CCDC125: variants seen among roughly 807,000 people sequenced by gnomAD.
The protein encoded by CCDC125 is coiled-coil domain-containing protein 125.
In CCDC125, 43 loss-of-function variants were observed where a neutral mutation model predicts 57.4. That is an observed-to-expected ratio of 0.75 (90% CI 0.59 to 0.97). The LOEUF (loss-of-function observed/expected upper bound fraction) is 0.97. Among genes scored for constraint, CCDC125 ranks in the 50% least tolerant of loss-of-function variants. CCDC125 has a pLI of 0.00. For synonymous variants in CCDC125, 187 were observed against 195.2 expected (o/e 0.96, Z 0.35); for missense variants, 563 against 595.7 (o/e 0.95, Z 0.57).
rs186352982 is a variant in CCDC125, at chr5:69,298,563, G to T, written c.816+1449C>A. Among the ~76,000 whole-genome samples the T allele has an allele frequency of 2.7e-4, 41 of 152,154 alleles. 1 individual carries two copies. Among genetic ancestry groups the T allele is most frequent in the South Asian group, 1.7e-3 (8 of 4,820 alleles). On this transcript the variant is annotated intron_variant, in intron 8 of 11. Coordinates refer to ENST00000396496, the MANE Select transcript of CCDC125 (RefSeq NM_176816.5). ...ACTCCTGATAATCTCCCATGCCTAG[G>T]TTGCCAAAAGCAACTAAGACCTGGG... is the stretch of plus-strand genomic sequence containing the variant.
downstream of CCDC125, chr5:69,276,412 A>G (rs1421645304): frequency 1.1e-5 from 8 of 729,556 alleles, no homozygotes; most frequent in Non-Finnish European, 1.6e-5. Flanking sequence ...CTTGACATTA[A>G]TTTTGTTTTG....
At chr5:69,314,419 C>A (rs552067475) in intron 2 of CCDC125, among the ~76,000 whole-genome samples, 84 of 151,050 alleles carry the variant, frequency 5.6e-4, no homozygotes, top group Middle Eastern at 3.4e-3. Flanking sequence ...GAGCGGAGAT[C>A]GTGCCACTGT....
At chr5:69,294,107 T>G in intron 9 of CCDC125, 1 of 978,884 alleles carries the variant, frequency 1.0e-6, no homozygotes, top group Non-Finnish European at 1.2e-6. Flanking sequence ...TGTGCCTTGC[T>G]GCTGTTCAAA....
rs200643951 is a variant in CCDC125, at chr5:69,290,299, TTAC to T, written c.1099+1886_1099+1888del. 2.0e-3 allele frequency among the ~76,000 whole-genome samples: 301 copies of T among 150,466 alleles called. 3 individuals are homozygous for T. Among genetic ancestry groups the T allele is most frequent in the African/African-American group, 7.1e-3 (291 of 40,790 alleles). On this transcript the variant is annotated intron_variant, in intron 10 of 11. Transcript: ENST00000396496. Reference sequence around the variant, plus strand: ...TTTCATTTTATTATTATTATTATTATTACTATTATTATTATTATTTTGAGACAG... The same window carrying T: ...TTTCATTTTATTATTATTATTATTATTATTATTATTATTATTTTGAGACAG...
At position 69,280,426 on chromosome 5, in the gene CCDC125, C is replaced by T. The variant is rs1214738759; in HGVS notation, c.*2303G>A. The stretch of plus-strand genomic sequence containing the variant: ...GCTACTGCACCTGTGCAGAGGACCA[C>T]CCAGGACATGATTACTGCAACACCT... On this transcript the variant is annotated 3_prime_UTR_variant, in exon 12 of 12. Transcript: ENST00000396496. 3 of 152,254 alleles carry T rather than the reference C, an allele frequency of 2.0e-5. No homozygotes were observed. Among genetic ancestry groups the T allele is most frequent in the African/African-American group, 4.8e-5 (2 of 41,552 alleles). The allele number at this position is 152,254 out of a possible 1,614,324, so 9.4% of individuals were successfully genotyped here.
chr5:69,318,684 C>T (rs1054683318), intron 2 of CCDC125, among the ~76,000 whole-genome samples: 6 of 151,450 alleles, frequency 4.0e-5, no homozygotes, highest in Admixed American at 1.3e-4. Flanking sequence ...ACCCAGGAGG[C>T]GGAGGTTGCA....
chr5:69,315,760 CAAAAA>C (rs749999748), intron 2 of CCDC125, among the ~76,000 whole-genome samples: 3 of 88,146 alleles, frequency 3.4e-5, no homozygotes, highest in Non-Finnish European at 6.5e-5. Context: ...AACTCCGTCT[CAAAAA>C]AAAAAAAAAA....
chr5:69,282,687 C>T lies in CCDC125; in HGVS notation c.*42G>A, dbSNP rs186008572. Reference sequence around the variant, plus strand: ...TACAAAATCATTTTTCAAAGTATCTCGATATAAACAACTCTCAGTTCCAAT... The same window carrying T: ...TACAAAATCATTTTTCAAAGTATCTTGATATAAACAACTCTCAGTTCCAAT... On this transcript the variant is annotated 3_prime_UTR_variant, in exon 12 of 12. Transcript: ENST00000396496. 34 of 1,452,444 alleles carry T rather than the reference C, an allele frequency of 2.3e-5. No homozygotes were observed. In the South Asian group the frequency reaches 3.3e-4, roughly 14 times the overall value. 90.0% of individuals were successfully genotyped at this position (1,452,444 alleles called of 1,614,324 possible). A position where few individuals can be genotyped will look rare whatever the true frequency, so the allele number is the denominator to read the frequency against.
At position 69,281,704 on chromosome 5, in the gene CCDC125, T is replaced by C. The variant is rs1015338630; in HGVS notation, c.*1025A>G. 6.6e-6 allele frequency: 1 copy of C among 152,136 alleles called. No individual in the cohort carries two copies. 9.4% of individuals were successfully genotyped at this position (152,136 alleles called of 1,614,324 possible). A position where few individuals can be genotyped will look rare whatever the true frequency, so the allele number is the denominator to read the frequency against. ...AACAAGGCAAATAAAACAAGATAAA[T>C]GAATTCCAGAAATTAACATTCAGTC... On this transcript the variant is annotated 3_prime_UTR_variant, in exon 12 of 12. Coordinates refer to ENST00000396496, the MANE Select transcript of CCDC125 (RefSeq NM_176816.5).
chr5:69,274,996 G>A, the CCDC125 span, among the ~76,000 whole-genome samples: 1 of 151,392 alleles, frequency 6.6e-6, no homozygotes, highest in Admixed American at 6.6e-5. Context: ...CCCGGGAGGT[G>A]GAGGTTGCAG....
chr5:69,302,714 A>C (rs967211648), intron 7 of CCDC125, among the ~76,000 whole-genome samples: 2 of 151,054 alleles, frequency 1.3e-5, no homozygotes, highest in Admixed American at 6.6e-5. Context: ...ATAAAGTGAG[A>C]CTCTGTCTCA....
intron 8 of CCDC125, among the ~76,000 whole-genome samples, chr5:69,295,356 T>C (rs142787054): frequency 1.3e-5 from 2 of 152,100 alleles, no homozygotes; most frequent in East Asian, 3.9e-4. Context: ...AATTGTAATA[T>C]ATAATGAGAA....
At position 69,282,998 on chromosome 5, in the gene CCDC125, TTC is replaced by T; in HGVS notation, c.1265_1266del (p.Arg422LysfsTer3). On this transcript the variant is annotated frameshift_variant, in exon 12 of 12. Coordinates refer to ENST00000396496, the MANE Select transcript of CCDC125 (RefSeq NM_176816.5). LOFTEE classifies it low-confidence loss of function (END_TRUNC). ...NDKEEALAHQ[R>X]KVSYMLARAL... ...GCCCGAGCAAGCATGTAGCTAACTT[TTC>T]TTTGATGAGCCAAAGCTTCTTCTTT... 3.7e-6 allele frequency: 6 copies of T among 1,605,392 alleles called. No individual in the cohort carries two copies. The highest frequency in any genetic ancestry group is 5.1e-6 in the Non-Finnish European group (6 of 1,176,954).
chr5:69,311,064 C>A, intron 4 of CCDC125, 54 bp downstream of exon 4: 2 of 1,229,286 alleles, frequency 1.6e-6, no homozygotes, highest in South Asian at 1.3e-5. Flanking sequence ...TAAAACCATA[C>A]CAACATTATT....
chr5:69,323,287 C>T (rs1348530045), intron 1 of CCDC125, among the ~76,000 whole-genome samples: 1 of 149,962 alleles, frequency 6.7e-6, no homozygotes, highest in Non-Finnish European at 1.5e-5. Context: ...CTAGCCTGGG[C>T]GACAGAGAAA....
At chr5:69,322,680 A>G (rs1374991378) in intron 1 of CCDC125, among the ~76,000 whole-genome samples, 1 of 151,826 alleles carries the variant, frequency 6.6e-6, no homozygotes, top group Non-Finnish European at 1.5e-5. Flanking sequence ...CTCCTGCTTC[A>G]GCCTCCTGAG....
Position 69,324,381 on chromosome 5 carries a change from G to A in CCDC125, c.-40-3801C>T, listed in dbSNP as rs577098803. Among the ~76,000 whole-genome samples the A allele has an allele frequency of 5.9e-5, 9 of 152,298 alleles. No homozygotes were observed. In the East Asian group the frequency reaches 1.7e-3, roughly 29 times the overall value. ...GAGTAACTGAAACTCTCATACATTG[G>A]TGATGTGAGTAAAACATGGTACAAC... On this transcript the variant is annotated intron_variant, in intron 1 of 11. Transcript: ENST00000396496.
At chr5:69,324,169 A>G (rs550780931) in intron 1 of CCDC125, among the ~76,000 whole-genome samples, 2 of 152,316 alleles carry the variant, frequency 1.3e-5, no homozygotes, top group African/African-American at 4.8e-5. Context: ...CATTTTTAGG[A>G]TCAAAATGCC....
At position 69,282,819 on chromosome 5, in the gene CCDC125, G is replaced by T. The variant is rs1297498096; in HGVS notation, c.1446C>A (p.Gly482=). The T allele has an allele frequency of 3.1e-6, 5 of 1,613,820 alleles. No homozygotes were observed. In the African/African-American group the frequency reaches 6.7e-5, roughly 22 times the overall value. The change falls in exon 12 of 12, where the codon GGC becomes GGA. Residue 482 remains glycine (G), a synonymous_variant. Coordinates refer to ENST00000396496, the MANE Select transcript of CCDC125 (RefSeq NM_176816.5). The part of the protein sequence containing the change: ...HSSVCILNSV[G]CICSIQHSQI... ...GAGAGTGCTGGATTGAACAAATGCAGCCCACAGAATTTAAAATGCAGACAC... is the reference window on the plus strand; with the variant it reads ...GAGAGTGCTGGATTGAACAAATGCATCCCACAGAATTTAAAATGCAGACAC...
Sources: gnomAD v4.1 joint callset for allele counts (sites outside exome capture counted in the v4.1 genomes callset) on GRCh38, gnomAD v4.1.1 for gene constraint, MANE v1.5 for transcripts, NCBI Gene and HGNC (gene_info 2026-07-23, HGNC 2026-07-21) for gene names.